CFAP97: variants seen among roughly 807,000 people sequenced by gnomAD.
CFAP97 encodes cilia and flagella associated protein 97.
In CFAP97, 36 loss-of-function variants were observed where a neutral mutation model predicts 43.1. The observed-to-expected ratio is 0.84, with a 90% CI of 0.64 to 1.10. The LOEUF (loss-of-function observed/expected upper bound fraction) is 1.10. CFAP97 is among the 50% of genes least tolerant of loss of function. The probability of loss-of-function intolerance (pLI) is 0.00; values close to 1 mark genes in which losing one functional copy is unlikely to be tolerated. For synonymous variants in CFAP97, 228 were observed against 225.7 expected, an observed-to-expected ratio of 1.01 and a Z score of -0.09; for missense variants, 657 against 620.3, an observed-to-expected ratio of 1.06 and a Z score of -0.63.
intron 3 of CFAP97, 106 bp from the exon 4 acceptor site, chr4:185,164,285 AAG>A: frequency 2.1e-6 from 2 of 965,240 alleles, no homozygotes; most frequent in South Asian, 3.5e-5. Flanking sequence ...TTTTTTTTTT[AAG>A]AGACAAGATC....
chr4:185,189,040 C>T (rs1375015753), intron 2 of CFAP97, among the ~76,000 whole-genome samples: 1 of 152,222 alleles, frequency 6.6e-6, no homozygotes, highest in South Asian at 2.1e-4. Context: ...GAGTTCGACG[C>T]AGCCCGCGCA....
intron 2 of CFAP97, among the ~76,000 whole-genome samples, chr4:185,180,147 T>C (rs1370591283): frequency 6.6e-6 from 1 of 152,168 alleles, no homozygotes. Flanking sequence ...TTAAATATCT[T>C]TTTAGGCTGA....
intron 2 of CFAP97, among the ~76,000 whole-genome samples, chr4:185,185,139 T>C (rs1470474212): frequency 6.6e-6 from 1 of 152,162 alleles, no homozygotes; most frequent in African/African-American, 2.4e-5. Flanking sequence ...TGCCAAACAA[T>C]AGGCTGCAAC....
At chr4:185,192,703 T>A (rs1736324057) in intron 1 of CFAP97, among the ~76,000 whole-genome samples, 2 of 151,744 alleles carry the variant, frequency 1.3e-5, no homozygotes, top group African/African-American at 4.8e-5. Context: ...AGACTTGACC[T>A]TTGACCTTCT....
intron 3 of CFAP97, among the ~76,000 whole-genome samples, chr4:185,168,347 C>T (rs1232853345): frequency 6.6e-6 from 1 of 151,990 alleles, no homozygotes; most frequent in African/African-American, 2.4e-5. Flanking sequence ...TGGCTCACAC[C>T]TGCGATCCCA....
rs1734896009 is a variant in CFAP97, at chr4:185,162,195, A to C, written c.*603T>G. 1 of 152,456 alleles carries C rather than the reference A, an allele frequency of 6.6e-6. No homozygotes were observed. Among genetic ancestry groups the C allele is most frequent in the Non-Finnish European group, 1.5e-5 (1 of 68,200 alleles). The allele number at this position is 152,456 out of a possible 1,614,324, so 9.4% of individuals were successfully genotyped here. On this transcript the variant is annotated 3_prime_UTR_variant, in exon 5 of 5. Transcript: ENST00000458385. ...TGATCAAACTTTTAAGATCTAACTC[A>C]GTGCACTTATACAACAACTAGATAC...
At chr4:185,188,467 C>A (rs1364476563) in intron 2 of CFAP97, among the ~76,000 whole-genome samples, 1 of 152,070 alleles carries the variant, frequency 6.6e-6, no homozygotes, top group Non-Finnish European at 1.5e-5. Context: ...CTCAGCCTCC[C>A]GAGTACCTGA....
chr4:185,191,274 C>A (rs1736245041), intron 1 of CFAP97, 62 bp from the exon 2 acceptor site: 1 of 1,136,668 alleles, frequency 8.8e-7, no homozygotes, highest in Non-Finnish European at 1.2e-6. Flanking sequence ...CATTTGTATA[C>A]AATAATTAAA....
At chr4:185,203,197 T>C (rs995545378) in intron 1 of CFAP97, among the ~76,000 whole-genome samples, 1 of 151,924 alleles carries the variant, frequency 6.6e-6, no homozygotes, top group African/African-American at 2.4e-5. Context: ...CGAGACCCTG[T>C]CTCAAAAAAT....
intron 2 of CFAP97, among the ~76,000 whole-genome samples, chr4:185,186,725 A>C (rs1736020472): frequency 6.6e-6 from 1 of 152,220 alleles, no homozygotes; most frequent in Non-Finnish European, 1.5e-5. Flanking sequence ...TGGCAACTAC[A>C]TAATGAGTTT....
intron 2 of CFAP97, among the ~76,000 whole-genome samples, chr4:185,188,517 T>C (rs1312240949): frequency 4.6e-5 from 7 of 152,044 alleles, no homozygotes; most frequent in Non-Finnish European, 1.0e-4. Flanking sequence ...TCATTTTTTG[T>C]ATTATTTGCG....
At chr4:185,209,606 C>G (rs1275471434), upstream of CFAP97, 1 of 415,520 alleles carries the variant, frequency 2.4e-6, no homozygotes, top group Non-Finnish European at 3.2e-6. This position sits in a 1 kb window ranked among gnomAD's most constrained non-coding sequence, Gnocchi z 5.2. Context: ...TCAGTCACAA[C>G]ACGGTGGGGC....
Position 185,164,521 on chromosome 4 carries a change from A to G in CFAP97, c.1321-342T>C, listed in dbSNP as rs562498975. Among the ~76,000 whole-genome samples the G allele has an allele frequency of 9.2e-5, 14 of 152,320 alleles. No homozygotes were observed. The South Asian group carries it at 2.9e-3, about 32-fold the overall frequency. On this transcript the variant is annotated intron_variant, in intron 3 of 4. Transcript: ENST00000458385. Reference sequence around the variant, plus strand: ...CTAACCAAACCACTGTGATATAACAATTCATCCAGAGGTGTCCAATGGAGA... The same window carrying G: ...CTAACCAAACCACTGTGATATAACAGTTCATCCAGAGGTGTCCAATGGAGA...
chr4:185,191,653 A>G (rs1736263477), intron 1 of CFAP97, among the ~76,000 whole-genome samples: 1 of 152,218 alleles, frequency 6.6e-6, no homozygotes, highest in African/African-American at 2.4e-5. Flanking sequence ...AACATGGTGA[A>G]ACCCCGTCTC....
chr4:185,177,240 C>T (rs546580901), intron 2 of CFAP97, among the ~76,000 whole-genome samples: 16 of 152,016 alleles, frequency 1.1e-4, no homozygotes, highest in South Asian at 1.0e-3. Flanking sequence ...TGGTGAAACC[C>T]TATCCCTACT....
At chr4:185,187,614 A>C (rs927704222) in intron 2 of CFAP97, among the ~76,000 whole-genome samples, 1 of 151,872 alleles carries the variant, frequency 6.6e-6, no homozygotes, top group African/African-American at 2.4e-5. Context: ...ACGGGAAAAA[A>C]CCCGGAGTGT....
chr4:185,163,770 A>G (rs966291353), intron 4 of CFAP97, among the ~76,000 whole-genome samples: 1 of 152,210 alleles, frequency 6.6e-6, no homozygotes, highest in Non-Finnish European at 1.5e-5. Flanking sequence ...TTTGAAATTA[A>G]CAGTCCTTCC....
At chr4:185,167,863 G>A (rs751742032) in intron 3 of CFAP97, among the ~76,000 whole-genome samples, 47 of 151,716 alleles carry the variant, frequency 3.1e-4, no homozygotes, top group Non-Finnish European at 6.0e-4. Context: ...GCCCAGTGTG[G>A]TGGCAGACGT....
Position 185,160,441 on chromosome 4 carries a change from G to T in CFAP97, c.*2357C>A, listed in dbSNP as rs1221325630. 2 of 151,942 alleles carry T rather than the reference G, an allele frequency of 1.3e-5. No individual in the cohort carries two copies. The highest frequency in any genetic ancestry group is 4.8e-5 in the African/African-American group (2 of 41,384). 9.4% of individuals were successfully genotyped at this position (151,942 alleles called of 1,614,324 possible). ...ATGTCCTTGAAATGAGAAGAGTAATGTACTTAAGTAATTCCTTCTTAAGAA... is the reference window on the plus strand; with the variant it reads ...ATGTCCTTGAAATGAGAAGAGTAATTTACTTAAGTAATTCCTTCTTAAGAA... On this transcript the variant is annotated 3_prime_UTR_variant, in exon 5 of 5. Transcript: ENST00000458385.
Sources: gnomAD v4.1 joint callset for allele counts (sites outside exome capture counted in the v4.1 genomes callset) on GRCh38, gnomAD v4.1.1 for gene constraint, Gnocchi (gnomAD v3.1) non-coding constraint, MANE v1.5 for transcripts, NCBI Gene and HGNC (gene_info 2026-07-23, HGNC 2026-07-21) for gene names.